The following FAM3D variants were observed in gnomAD, a reference collection of about 807,000 sequenced individuals.
The protein encoded by FAM3D is FAM3 metabolism regulating signaling molecule D, also known as protein FAM3D.
FAM3D carries 26 observed loss-of-function variants against 29.8 expected under a neutral mutation model. The observed-to-expected ratio is 0.87, with a 90% confidence interval of 0.64 to 1.21. The LOEUF (loss-of-function observed/expected upper bound fraction) is 1.21. Among genes scored for constraint, FAM3D ranks in the 50% most tolerant of loss-of-function variants. The pLI, the probability that FAM3D is intolerant of heterozygous loss-of-function variation, is 0.00. For synonymous variants in FAM3D, 115 were observed against 102.3 expected (o/e 1.12, Z -0.75); for missense variants, 253 against 290.9 (o/e 0.87, Z 0.95).
intron 5 of FAM3D, among the ~76,000 whole-genome samples, chr3:58,644,613 A>T (rs995186156): frequency 1.3e-5 from 2 of 152,206 alleles, no homozygotes; most frequent in Admixed American, 6.5e-5. Flanking sequence ...AGGCTTGGTC[A>T]TGTGACCCAG....
chr3:58,660,444 T>C (rs2066909040), intron 1 of FAM3D, among the ~76,000 whole-genome samples: 1 of 152,226 alleles, frequency 6.6e-6, no homozygotes, highest in South Asian at 2.1e-4. Flanking sequence ...GTCCTTCTTA[T>C]AAACGCCCAA....
At position 58,642,276 on chromosome 3, in the gene FAM3D, C is replaced by T. The variant is rs6794140; in HGVS notation, c.322+1386G>A. ...GTCCAGGAACAGCCCCATCACTGCT[C>T]CAGGCCTCGACTTCTCCCCTGACCC... is the stretch of plus-strand genomic sequence containing the variant. On this transcript the variant is annotated intron_variant, in intron 6 of 9. Transcript: ENST00000358781. 5.0e-3 allele frequency among the ~76,000 whole-genome samples: 762 copies of T among 152,324 alleles called. 7 individuals carry two copies. The highest frequency in any genetic ancestry group is 0.017 in the African/African-American group (716 of 41,572).
At chr3:58,664,091 C>CAGA (rs75195313) in intron 1 of FAM3D, among the ~76,000 whole-genome samples, 121,144 of 151,776 alleles carry the variant, frequency 0.8, 49,716 homozygotes, top group Non-Finnish European at 0.9. Flanking sequence ...TAAAGCTTCT[C>CAGA]TCTACCGTTC....
intron 6 of FAM3D, among the ~76,000 whole-genome samples, chr3:58,641,290 A>G (rs1013787154): frequency 3.9e-5 from 6 of 152,084 alleles, no homozygotes; most frequent in African/African-American, 1.4e-4. Flanking sequence ...TGAATGATTA[A>G]GACCTGCAGT....
chr3:58,653,912 C>A, intron 2 of FAM3D, 131 bp from the exon 3 acceptor site: 1 of 718,852 alleles, frequency 1.4e-6, no homozygotes, highest in East Asian at 2.7e-5. Context: ...GGGGACCAGA[C>A]CATGGGACCA....
In FAM3D at chr3:58,634,870, TATTA is replaced by T. The variant is rs774173652; in HGVS notation, c.586-506_586-503del. Among the ~76,000 whole-genome samples the T allele has an allele frequency of 3.3e-5, 5 of 152,084 alleles. No homozygotes were observed. Among genetic ancestry groups the T allele is most frequent in the Non-Finnish European group, 7.3e-5 (5 of 68,030 alleles). On this transcript the variant is annotated intron_variant, in intron 9 of 9. Coordinates refer to ENST00000358781, the MANE Select transcript of FAM3D (RefSeq NM_138805.3). This position sits in a 1 kb window ranked among gnomAD's most constrained non-coding sequence, Gnocchi z 4.6. Reference sequence around the variant, plus strand: ...GGTAAGTGGCAGAACCACCACATAATATTAATTAATACTAATAATAAGGGGTGGG... The same window carrying T: ...GGTAAGTGGCAGAACCACCACATAATATTAATACTAATAATAAGGGGTGGG...
intron 1 of FAM3D, among the ~76,000 whole-genome samples, chr3:58,665,544 A>T (rs1284818828): frequency 6.6e-6 from 1 of 152,156 alleles, no homozygotes; most frequent in Non-Finnish European, 1.5e-5. Context: ...CTTGTTAATC[A>T]TTGTGTCTTT....
At position 58,637,233 on chromosome 3, in the gene FAM3D, A is replaced by T. The variant is rs1350714060; in HGVS notation, c.374-8T>A. 1 of 1,606,700 alleles carries T rather than the reference A, an allele frequency of 6.2e-7. No individual in the cohort carries two copies. The highest frequency in any genetic ancestry group is 1.3e-5 in the African/African-American group (1 of 74,704). On this transcript the variant is annotated splice_polypyrimidine_tract_variant and splice_region_variant and intron_variant, in intron 7 of 9. Transcript: ENST00000358781. ...TCACTAGGTGCATAACATCTGGGGG[A>T]GGAAGGAAAAGGTGCTGGTGATTTA...
intron 1 of FAM3D, among the ~76,000 whole-genome samples, chr3:58,659,165 G>C (rs1228805936): frequency 6.6e-6 from 1 of 152,162 alleles, no homozygotes; most frequent in Non-Finnish European, 1.5e-5. Flanking sequence ...TGTCTGGAAG[G>C]GGTCCGCCGT....
At chr3:58,657,497 G>C (rs2066840492) in intron 1 of FAM3D, 1 of 152,380 alleles carries the variant, frequency 6.6e-6, no homozygotes, top group African/African-American at 2.4e-5. Context: ...GATAGGGACA[G>C]AGACAGAGGG....
chr3:58,665,385 T>C (rs1173658949), intron 1 of FAM3D, among the ~76,000 whole-genome samples: 1 of 152,022 alleles, frequency 6.6e-6, no homozygotes, highest in Admixed American at 6.5e-5. Flanking sequence ...TTTCCTCCCC[T>C]GCCCTTCACT....
intron 6 of FAM3D, 57 bp from the exon 7 acceptor site, chr3:58,640,234 T>C: frequency 6.3e-7 from 1 of 1,589,248 alleles, no homozygotes; most frequent in Non-Finnish European, 8.6e-7. Context: ...CTGCCTGTCG[T>C]TCTGCTGAAA....
intron 6 of FAM3D, among the ~76,000 whole-genome samples, chr3:58,642,369 A>G (rs531959033): frequency 9.9e-5 from 15 of 152,272 alleles, no homozygotes; most frequent in Admixed American, 9.1e-4. Context: ...TGGAGCTGGC[A>G]AGGCCGGGGC....
In FAM3D at chr3:58,655,595, C is replaced by T; in HGVS notation, c.-32G>A. ...CAGGTGAAGGGTGGCTTGGGGTCAG[C>T]TTCCACCTATGGAGAGAAGAAAATC... On this transcript the variant is annotated 5_prime_UTR_variant, in exon 2 of 10. Transcript: ENST00000358781. 6.2e-7 allele frequency: 1 copy of T among 1,612,346 alleles called. No homozygotes were observed. Among genetic ancestry groups the T allele is most frequent in the Non-Finnish European group, 8.5e-7 (1 of 1,179,108 alleles).
At position 58,633,987 on chromosome 3, in the gene FAM3D, G is replaced by T. The variant is rs548509137; in HGVS notation, c.*292C>A. On this transcript the variant is annotated 3_prime_UTR_variant, in exon 10 of 10. Coordinates refer to ENST00000358781, the MANE Select transcript of FAM3D (RefSeq NM_138805.3). ...ATAAAATTTAATTGGGCTCAAGTCT[G>T]GGCAGTTTGTCCTTCCTCAGGACCA... 20 of 408,316 alleles carry T rather than the reference G, an allele frequency of 4.9e-5. No individual in the cohort carries two copies. In the South Asian group the frequency reaches 8.4e-4, roughly 17 times the overall value. 25.3% of individuals were successfully genotyped at this position (408,316 alleles called of 1,614,324 possible). A position where few individuals can be genotyped will look rare whatever the true frequency, so the allele number is the denominator to read the frequency against.
At chr3:58,656,703 A>G (rs1469797436) in intron 1 of FAM3D, among the ~76,000 whole-genome samples, 1 of 152,150 alleles carries the variant, frequency 6.6e-6, no homozygotes, top group East Asian at 1.9e-4. Flanking sequence ...TGCCCACCCC[A>G]GAGTCTTTAT....
At chr3:58,654,416 T>C (rs1225208055) in intron 2 of FAM3D, among the ~76,000 whole-genome samples, 1 of 152,148 alleles carries the variant, frequency 6.6e-6, no homozygotes, top group Non-Finnish European at 1.5e-5. Context: ...CCTCCACAAA[T>C]AACCGCACAC....
Position 58,640,164 on chromosome 3 carries a change from A to T in FAM3D, c.336T>A (p.Ala112=), listed in dbSNP as rs775937922. 2.5e-6 allele frequency: 4 copies of T among 1,614,212 alleles called. No homozygotes were observed. Among genetic ancestry groups the T allele is most frequent in the Non-Finnish European group, 3.4e-6 (4 of 1,180,044 alleles). Residue 112 remains alanine, a synonymous_variant, in exon 7 of 10, where the codon GCT becomes GCA. Coordinates refer to ENST00000358781, the MANE Select transcript of FAM3D (RefSeq NM_138805.3). ...NIALVNGTTG[A]VLGQKAFDMY... is the part of the protein sequence containing the mutation. ...TGTCAAATGCCTTCTGTCCCAGCAC[A>T]GCTCCCGTGGTTCCTAGGGGTTAAG... is the stretch of plus-strand genomic sequence containing the variant.
rs6806367 is a variant in FAM3D at position 58,638,484 on chromosome 3, G to A, written c.374-1259C>T. Among the ~76,000 whole-genome samples, 1,404 of 152,258 alleles carry A rather than the reference G, an allele frequency of 9.2e-3. 66 individuals are homozygous for A. The East Asian group carries it at 0.15, about 16-fold the overall frequency. The stretch of plus-strand genomic sequence containing the variant: ...GAAGTGCAAATGTGACAATAACTTT[G>A]GGCATACAGTAAGCGTACTCTAATG... On this transcript the variant is annotated intron_variant, in intron 7 of 9. Coordinates refer to ENST00000358781, the MANE Select transcript of FAM3D (RefSeq NM_138805.3).
Sources: allele counts gnomAD v4.1 joint callset (sites outside exome capture counted in the v4.1 genomes callset), GRCh38; gene constraint gnomAD v4.1.1; non-coding constraint Gnocchi (gnomAD v3.1); transcripts MANE v1.5; gene names NCBI Gene and HGNC (gene_info 2026-07-23, HGNC 2026-07-21).